Variants in TECPR2 observed in about 807,000 individuals in gnomAD.
TECPR2 encodes the protein tectonin beta-propeller repeat containing 2.
A neutral mutation model predicts 138.1 loss-of-function variants in TECPR2; 65 were observed. The ratio of observed to expected loss-of-function variants is 0.47; its 90% CI spans 0.39 to 0.58. The LOEUF (loss-of-function observed/expected upper bound fraction) is 0.58, where lower values mean the gene tolerates loss of function less well. Ranked by LOEUF, TECPR2 falls within the 20% of genes least tolerant of loss-of-function variation. The pLI, the probability that TECPR2 is intolerant of heterozygous loss-of-function variation, is 0.00. For missense variants in TECPR2, 1,553 were observed against 1,824.5 expected (o/e 0.85, Z 2.71); for synonymous variants, 746 against 749.8 (o/e 0.99, Z 0.08).
chr14:102,452,160 T>C (rs1890160908), intron 15 of TECPR2, among the ~76,000 whole-genome samples: 1 of 152,222 alleles, frequency 6.6e-6, no homozygotes, highest in Non-Finnish European at 1.5e-5. Context: ...TTGCCTTCTT[T>C]CCATTTCTTT....
At chr14:102,409,618 G>C (rs1004105690) in intron 4 of TECPR2, among the ~76,000 whole-genome samples, 2 of 151,210 alleles carry the variant, frequency 1.3e-5, no homozygotes, top group African/African-American at 4.9e-5. Flanking sequence ...GCAATTATTA[G>C]CTGCATGACT....
intron 4 of TECPR2, among the ~76,000 whole-genome samples, chr14:102,413,754 C>A (rs1217165188): frequency 6.6e-6 from 1 of 151,864 alleles, no homozygotes; most frequent in Non-Finnish European, 1.5e-5. Context: ...TGTTAGCAGT[C>A]GTATGCCTTC....
intron 2 of TECPR2, among the ~76,000 whole-genome samples, chr14:102,393,225 T>A (rs141224337): frequency 1.4e-3 from 211 of 152,284 alleles, no homozygotes; most frequent in African/African-American, 4.8e-3. Context: ...TCTTGAAAAT[T>A]CAGCTGTGCA....
intron 16 of TECPR2, among the ~76,000 whole-genome samples, chr14:102,455,720 C>T (rs1339888438): frequency 2.6e-5 from 4 of 152,188 alleles, no homozygotes; most frequent in Non-Finnish European, 5.9e-5. Flanking sequence ...AAGCAATTCT[C>T]CCTGTCTCAA....
At chr14:102,409,566 T>C (rs1478985496) in intron 4 of TECPR2, among the ~76,000 whole-genome samples, 4 of 152,214 alleles carry the variant, frequency 2.6e-5, no homozygotes, top group African/African-American at 9.6e-5. Flanking sequence ...TCCAAAGTGC[T>C]GGGATTACAG....
chr14:102,408,387 C>T, intron 3 of TECPR2, 101 bp from the exon 4 acceptor site: 3 of 1,322,906 alleles, frequency 2.3e-6, no homozygotes, highest in Non-Finnish European at 3.0e-6. Context: ...AAAACCAGCT[C>T]TTCCCTAACT....
At position 102,484,746 on chromosome 14, in the gene TECPR2, C is replaced by G. The variant is rs138216954; in HGVS notation, c.3790-12233C>G. ...CGATCTCAGCTCACTGCAGCCTCCC[C>G]CTCCTGTGTTCAAGCAATTCTCTGC... On this transcript the variant is annotated intron_variant, in intron 17 of 19. Coordinates refer to ENST00000359520, the MANE Select transcript of TECPR2 (RefSeq NM_014844.5). Among the ~76,000 whole-genome samples the G allele has an allele frequency of 1.6e-3, 248 of 152,258 alleles. 2 individuals are homozygous for G. Among genetic ancestry groups the G allele is most frequent in the African/African-American group, 5.5e-3 (227 of 41,562 alleles).
At chr14:102,453,047 G>C (rs1890188216) in intron 16 of TECPR2, among the ~76,000 whole-genome samples, 1 of 152,218 alleles carries the variant, frequency 6.6e-6, no homozygotes. Context: ...GACAGTACCT[G>C]GCGGAGGAGA....
intron 2 of TECPR2, among the ~76,000 whole-genome samples, chr14:102,393,306 A>G (rs1413485114): frequency 6.6e-6 from 1 of 152,204 alleles, no homozygotes; most frequent in Non-Finnish European, 1.5e-5. Flanking sequence ...TGGGATAGCT[A>G]GGCTATTGTA....
intron 16 of TECPR2, among the ~76,000 whole-genome samples, chr14:102,454,342 T>C (rs1480010762): frequency 6.6e-6 from 1 of 152,156 alleles, no homozygotes; most frequent in Admixed American, 6.5e-5. Flanking sequence ...TACAGGGTGC[T>C]GAGTAGACAT....
rs762988279 is a variant in TECPR2, at chr14:102,428,213, G to GTGTTTTT, written c.952-28_952-22dup. 3.4e-5 allele frequency: 48 copies of GTGTTTTT among 1,405,004 alleles called. 1 individual carries two copies. The East Asian group carries it at 3.6e-4, about 10-fold the overall frequency. 87.0% of individuals were successfully genotyped at this position (1,405,004 alleles called of 1,614,324 possible). A position where few individuals can be genotyped will look rare whatever the true frequency, so the allele number is the denominator to read the frequency against. ...TGAGCTGTTACCGTTGTTTAGTTTT[G>GTGTTTTT]TGTTTTTTGTTTTTTTTTTTTTTTT... On this transcript the variant is annotated intron_variant, in intron 6 of 19. Transcript: ENST00000359520.
At chr14:102,417,240 T>G (rs1190614430) in intron 5 of TECPR2, among the ~76,000 whole-genome samples, 1 of 152,240 alleles carries the variant, frequency 6.6e-6, no homozygotes, top group Non-Finnish European at 1.5e-5. Context: ...GGAAATGTTT[T>G]TAACATCTGT....
intron 1 of TECPR2, among the ~76,000 whole-genome samples, chr14:102,370,266 T>C (rs1480890088): frequency 6.6e-6 from 1 of 152,116 alleles, no homozygotes; most frequent in East Asian, 1.9e-4. Context: ...AGATGAGGTT[T>C]CACCAAGTTG....
chr14:102,367,850 A>C (rs1887385684), intron 1 of TECPR2, among the ~76,000 whole-genome samples: 1 of 151,932 alleles, frequency 6.6e-6, no homozygotes, highest in Non-Finnish European at 1.5e-5. Context: ...TTTATTTTTC[A>C]CCAGCAATGT....
intron 2 of TECPR2, among the ~76,000 whole-genome samples, chr14:102,377,281 G>C (rs2139657337): frequency 6.6e-6 from 1 of 152,240 alleles, no homozygotes. Flanking sequence ...TCAACTTCCT[G>C]AGTAGCTAGG....
Position 102,376,802 on chromosome 14 carries a change from C to A in TECPR2, c.81C>A (p.Ile27=), listed in dbSNP as rs1340120925. 2.5e-6 allele frequency: 4 copies of A among 1,614,086 alleles called. No homozygotes were observed. In the African/African-American group the frequency reaches 5.3e-5, roughly 22 times the overall value. ...YYLLNAIPTK[I]QKGFRSIVVY... ...TCCTCAATGCCATTCCGACAAAGAT[C>A]CAGAAGGGTTTCCGCTCTATCGTGG... The change falls in exon 2 of 20, where the codon ATC becomes ATA. Residue 27 remains isoleucine (I), a synonymous_variant. Transcript: ENST00000359520.
At chr14:102,388,457 G>C (rs962110030) in intron 2 of TECPR2, among the ~76,000 whole-genome samples, 3 of 152,186 alleles carry the variant, frequency 2.0e-5, no homozygotes, top group Non-Finnish European at 4.4e-5. Flanking sequence ...ACTTTGGGAG[G>C]CCAAGGTGGG....
At chr14:102,475,370 A>G (rs560868194) in intron 17 of TECPR2, among the ~76,000 whole-genome samples, 10 of 152,314 alleles carry the variant, frequency 6.6e-5, no homozygotes, top group East Asian at 5.8e-4. Flanking sequence ...AGGCATTGGC[A>G]TCATTCTTGA....
intron 2 of TECPR2, among the ~76,000 whole-genome samples, chr14:102,393,811 C>T (rs535944856): frequency 6.6e-6 from 1 of 152,236 alleles, no homozygotes; most frequent in East Asian, 1.9e-4. Flanking sequence ...CCACCCGCCT[C>T]GGCCTCCCAA....
Sources: gnomAD v4.1 joint callset for allele counts (sites outside exome capture counted in the v4.1 genomes callset) on GRCh38, gnomAD v4.1.1 for gene constraint, MANE v1.5 for transcripts, NCBI Gene and HGNC (gene_info 2026-07-23, HGNC 2026-07-21) for gene names.